The following ITGA8 variants were observed in gnomAD, a reference collection of about 807,000 sequenced individuals.
ITGA8 encodes the protein integrin subunit alpha 8, also known as integrin alpha-8.
A neutral mutation model predicts 142.3 loss-of-function variants in ITGA8; 91 were observed. That is an observed-to-expected ratio of 0.64 (90% CI 0.54 to 0.76). ITGA8 has a LOEUF of 0.76. ITGA8 is among the 30% of genes least tolerant of loss of function. The pLI is 0.00. For synonymous variants in ITGA8, 505 were observed against 485.2 expected, an observed-to-expected ratio of 1.04 and a Z score of -0.54; for missense variants, 1,406 against 1,327.7, an observed-to-expected ratio of 1.06 and a Z score of -0.92.
chr10:15,557,951 G>C, intron 26 of ITGA8, 123 bp downstream of exon 26: 1 of 1,208,396 alleles, frequency 8.3e-7, no homozygotes, highest in Non-Finnish European at 1.2e-6. Flanking sequence ...ACTGCCAAAC[G>C]TTAGGAATAT....
intron 11 of ITGA8, among the ~76,000 whole-genome samples, chr10:15,653,105 G>A (rs1834118832): frequency 6.6e-6 from 1 of 152,204 alleles, no homozygotes. Flanking sequence ...GCTCTCTGCT[G>A]GTTCTTGAAT....
At chr10:15,570,597 C>T (rs923223649) in intron 25 of ITGA8, among the ~76,000 whole-genome samples, 50 of 110,452 alleles carry the variant, frequency 4.5e-4, no homozygotes, top group Admixed American at 1.6e-3. Context: ...GCAACAATAG[C>T]GAAACTCCAT....
intron 12 of ITGA8, among the ~76,000 whole-genome samples, chr10:15,644,718 T>C (rs893445585): frequency 2.0e-5 from 3 of 151,540 alleles, no homozygotes; most frequent in Non-Finnish European, 2.9e-5. Context: ...AAAGGGCTTA[T>C]AATGTTTTCC....
rs572737343 is a variant in ITGA8, at chr10:15,530,787, T to A, written c.2982+263A>T. Among the ~76,000 whole-genome samples the A allele has an allele frequency of 3.8e-3, 585 of 152,318 alleles. 6 individuals are homozygous for A. The highest frequency in any genetic ancestry group is 0.022 in the South Asian group (106 of 4,830). On this transcript the variant is annotated intron_variant, in intron 28 of 29. Transcript: ENST00000378076. ...ATTGTAATGATAACTGCTATCTGAA[T>A]TCCTCTGAATAAAATGTCTTCATTT... is the stretch of plus-strand genomic sequence containing the variant.
chr10:15,702,554 G>C (rs1686378682), intron 2 of ITGA8, among the ~76,000 whole-genome samples: 2 of 152,190 alleles, frequency 1.3e-5, no homozygotes, highest in African/African-American at 2.4e-5. Flanking sequence ...GCCTCCCAAA[G>C]TGCTGGGATT....
intron 14 of ITGA8, 46 bp from the exon 15 acceptor site, chr10:15,613,813 G>T: frequency 7.3e-7 from 1 of 1,368,196 alleles, no homozygotes; most frequent in Non-Finnish European, 1.0e-6. Context: ...ACACAAGGGT[G>T]ATAGGCAGGC....
At chr10:15,575,087 A>G (rs1834259031) in intron 24 of ITGA8, among the ~76,000 whole-genome samples, 1 of 152,156 alleles carries the variant, frequency 6.6e-6, no homozygotes, top group Admixed American at 6.6e-5. Context: ...GGCAGTATAT[A>G]CAGCTCGGAA....
chr10:15,528,506 C>CTTTT (rs35960573), intron 28 of ITGA8, among the ~76,000 whole-genome samples: 1 of 127,232 alleles, frequency 7.9e-6, no homozygotes, highest in Non-Finnish European at 1.6e-5. Flanking sequence ...GATAAAAAGT[C>CTTTT]TTTTTTTTTT....
In ITGA8 at chr10:15,613,399, A is replaced by G. The variant is rs7075987; in HGVS notation, c.1553+261T>C. ...ATACTTCTCATCTCACCTAGAGCCT[A>G]TAGATTAGAGAAGTAGCCTTTGAAT... On this transcript the variant is annotated intron_variant, in intron 15 of 29. Transcript: ENST00000378076. Among the ~76,000 whole-genome samples the G allele has an allele frequency of 0.93, 141,664 of 152,164 alleles. 66,632 individuals are homozygous for G. The highest frequency in any genetic ancestry group is 1 in the Non-Finnish European group (67,922 of 68,038).
At chr10:15,588,887 G>A (rs997299250) in intron 22 of ITGA8, among the ~76,000 whole-genome samples, 3 of 152,154 alleles carry the variant, frequency 2.0e-5, no homozygotes, top group African/African-American at 2.4e-5. Context: ...CCTTCTGGTC[G>A]GCTAATCAAA....
intron 8 of ITGA8, among the ~76,000 whole-genome samples, chr10:15,663,005 T>C (rs1407499634): frequency 6.6e-6 from 1 of 152,216 alleles, no homozygotes; most frequent in South Asian, 2.1e-4. Flanking sequence ...AGAAAAATTA[T>C]ACACAATTAA....
chr10:15,671,487 C>G (rs1000581687), intron 8 of ITGA8, 116 bp downstream of exon 8: 1 of 794,926 alleles, frequency 1.3e-6, no homozygotes, highest in Non-Finnish European at 2.2e-6. Flanking sequence ...CTCTGGGACT[C>G]CATTAATATC....
At chr10:15,658,452 C>T (rs7097260) in intron 10 of ITGA8, among the ~76,000 whole-genome samples, 2 of 151,930 alleles carry the variant, frequency 1.3e-5, no homozygotes, top group Admixed American at 6.6e-5. Flanking sequence ...AGCCCCTGTC[C>T]CCTCCGTCCT....
At chr10:15,558,240 C>T in intron 25 of ITGA8, 38 bp from the exon 26 acceptor site, 1 of 1,609,660 alleles carries the variant, frequency 6.2e-7, no homozygotes, top group Non-Finnish European at 8.5e-7. Context: ...ATTAAAAACA[C>T]ATGAACAGTT....
intron 13 of ITGA8, among the ~76,000 whole-genome samples, chr10:15,622,602 C>CAAAAA: frequency 9.4e-6 from 1 of 106,874 alleles, no homozygotes; most frequent in African/African-American, 3.2e-5. Context: ...CAAAACAAAA[C>CAAAAA]AAAAAAAAAA....
chr10:15,566,595 G>C (rs1588648417), intron 25 of ITGA8, among the ~76,000 whole-genome samples: 1 of 151,836 alleles, frequency 6.6e-6, no homozygotes, highest in Non-Finnish European at 1.5e-5. Context: ...TGAATTGCCT[G>C]AGCTCAGGAG....
At chr10:15,672,860 G>A (rs1834553662) in intron 6 of ITGA8, 111 bp from the exon 7 acceptor site, 12 of 1,244,242 alleles carry the variant, frequency 9.6e-6, no homozygotes, top group Non-Finnish European at 1.3e-5. Flanking sequence ...CTTTTTTGAT[G>A]ATGAATTTTC....
chr10:15,696,888 C>T (rs1322823651), intron 2 of ITGA8, among the ~76,000 whole-genome samples: 1 of 149,792 alleles, frequency 6.7e-6, no homozygotes, highest in Non-Finnish European at 1.5e-5. Flanking sequence ...AAAAAATTAG[C>T]CAGGCATAGT....
intron 26 of ITGA8, among the ~76,000 whole-genome samples, chr10:15,555,880 G>A (rs531539324): frequency 9.2e-5 from 14 of 151,662 alleles, no homozygotes; most frequent in Non-Finnish European, 1.9e-4. Flanking sequence ...TGTATTTTTA[G>A]TAGAGACGGG....
Sources: gnomAD v4.1 joint callset for allele counts (sites outside exome capture counted in the v4.1 genomes callset) on GRCh38, gnomAD v4.1.1 for gene constraint, MANE v1.5 for transcripts, NCBI Gene and HGNC (gene_info 2026-07-23, HGNC 2026-07-21) for gene names.